Variants in MATN3 observed in about 807,000 individuals in gnomAD.
MATN3 encodes matrilin 3, also known as matrilin-3.
MATN3 carries 48 observed loss-of-function variants against 45.3 expected under a neutral mutation model. The observed-to-expected ratio is 1.06, with a 90% CI of 0.84 to 1.35. The LOEUF (loss-of-function observed/expected upper bound fraction) is 1.35, where lower values mean the gene tolerates loss of function less well. MATN3 is among the 40% of genes most tolerant of loss of function. MATN3 has a pLI of 0.00. For synonymous variants in MATN3, 217 were observed against 245.9 expected, an observed-to-expected ratio of 0.88 and a Z score of 1.10; for missense variants, 599 against 628.0, an observed-to-expected ratio of 0.95 and a Z score of 0.49.
intron 6 of MATN3, among the ~76,000 whole-genome samples, chr2:19,996,705 C>T (rs1442013925): frequency 6.6e-5 from 10 of 151,984 alleles, no homozygotes; most frequent in Non-Finnish European, 1.3e-4. Context: ...CTGAGGGGAG[C>T]GGGTGATGGG....
chr2:19,999,726 A>G (rs575533975), intron 5 of MATN3, among the ~76,000 whole-genome samples: 3 of 152,180 alleles, frequency 2.0e-5, no homozygotes, highest in African/African-American at 7.2e-5. Flanking sequence ...AGAGGAAAAT[A>G]TATGTCAAAT....
At chr2:20,001,148 CA>C (rs1672978013) in intron 4 of MATN3, among the ~76,000 whole-genome samples, 1 of 152,090 alleles carries the variant, frequency 6.6e-6, no homozygotes, top group African/African-American at 2.4e-5. Context: ...AAAAACAGTG[CA>C]AAAAATTCCT....
intron 2 of MATN3, 67 bp downstream of exon 2, chr2:20,005,677 T>C: frequency 1.6e-6 from 2 of 1,273,042 alleles, no homozygotes; most frequent in Non-Finnish European, 2.1e-6. Flanking sequence ...TAATACTCTT[T>C]TCTCTGGGTA....
chr2:20,006,999 A>C (rs1160991817), intron 1 of MATN3, among the ~76,000 whole-genome samples: 1 of 152,012 alleles, frequency 6.6e-6, no homozygotes, highest in Non-Finnish European at 1.5e-5. Context: ...GGGCAAATCA[A>C]GAGGTCAGGA....
chr2:19,999,743 C>T (rs1672949206), intron 5 of MATN3, among the ~76,000 whole-genome samples: 1 of 150,356 alleles, frequency 6.7e-6, no homozygotes, highest in Admixed American at 6.6e-5. Flanking sequence ...AAATCTAAAA[C>T]ACATTCAATA....
Position 20,012,449 on chromosome 2 carries a change from G to C in MATN3, c.183C>G (p.Pro61=). ...RPSPAAPDGA[P]ASGTSEPGRA... ...GGCCAGGCTCGCTGGTCCCGGAAGC[G>C]GGCGCGCCGTCGGGAGCCGCAGGAG... Residue 61 remains proline, a synonymous_variant, in exon 1 of 8, where the codon CCC becomes CCG. Coordinates refer to ENST00000407540, the MANE Select transcript of MATN3 (RefSeq NM_002381.5). The surrounding 1 kb of genome is among the most constrained non-coding windows in gnomAD (Gnocchi z 4.3). 5 of 1,229,406 alleles carry C rather than the reference G, an allele frequency of 4.1e-6. No individual in the cohort carries two copies. In the South Asian group the frequency reaches 2.1e-4, roughly 51 times the overall value. The allele number at this position is 1,229,406 out of a possible 1,614,324, so 76.2% of individuals were successfully genotyped here. A position where few individuals can be genotyped will look rare whatever the true frequency, so the allele number is the denominator to read the frequency against.
In MATN3 at chr2:20,003,061, T is replaced by C. The variant is rs541744302; in HGVS notation, c.916+100A>G. The C allele has an allele frequency of 4.2e-4, 595 of 1,418,712 alleles. 3 individuals carry two copies. In the South Asian group the frequency reaches 7.7e-3, roughly 18 times the overall value. 87.9% of individuals were successfully genotyped at this position (1,418,712 alleles called of 1,614,324 possible). On this transcript the variant is annotated intron_variant, in intron 3 of 7. Transcript: ENST00000407540. The stretch of plus-strand genomic sequence containing the variant: ...GTAAACCAGCCAAAAGGCAGTTAGG[T>C]AAAAAGGGGTCAGAGAGTCAAAGCA...
intron 1 of MATN3, among the ~76,000 whole-genome samples, chr2:20,011,215 C>T (rs1409024796): frequency 6.6e-6 from 1 of 152,220 alleles, no homozygotes; most frequent in Non-Finnish European, 1.5e-5. Flanking sequence ...GGGGACATGG[C>T]CACCTGGTGC....
At chr2:20,003,105 T>C in intron 3 of MATN3, 56 bp downstream of exon 3, 1 of 1,601,814 alleles carries the variant, frequency 6.2e-7, no homozygotes, top group Non-Finnish European at 8.5e-7. Flanking sequence ...GTCCAAAACC[T>C]GGAGCATAGG....
rs1673019041 is a variant in MATN3, at chr2:20,003,074, G to C, written c.916+87C>G. On this transcript the variant is annotated intron_variant, in intron 3 of 7. Transcript: ENST00000407540. ...AAGGCAGTTAGGTAAAAAGGGGTCA[G>C]AGAGTCAAAGCACAAGGCCAGTCCA... 6.6e-6 allele frequency: 10 copies of C among 1,509,596 alleles called. 1 individual carries two copies. The highest frequency in any genetic ancestry group is 9.1e-6 in the Non-Finnish European group (10 of 1,104,006). 93.5% of individuals were successfully genotyped at this position (1,509,596 alleles called of 1,614,324 possible). A position where few individuals can be genotyped will look rare whatever the true frequency, so the allele number is the denominator to read the frequency against.
rs779413744 is a variant in MATN3 at position 20,006,016 on chromosome 2, G to T, written c.518C>A (p.Ala173Asp). Residue 173 changes from alanine (A) to aspartate (D), a missense_variant, in exon 2 of 8, where the codon GCC (alanine) becomes GAC (aspartate). Ala to Asp is a moderately radical substitution (Grantham distance 126). Coordinates refer to ENST00000407540, the MANE Select transcript of MATN3 (RefSeq NM_002381.5). ...GLAIQTAMDE[A>D]FTVEAGAREP... ...TCGAGCCCCTGCCTCCACTGTGAAG[G>T]CTTCGTCCATTGCTGTCTGGATGGC... The T allele has an allele frequency of 6.2e-7, 1 of 1,614,016 alleles. No individual in the cohort carries two copies. Among genetic ancestry groups the T allele is most frequent in the Non-Finnish European group, 8.5e-7 (1 of 1,179,898 alleles).
At position 20,012,512 on chromosome 2, in the gene MATN3, C is replaced by G. The variant is rs1362388449; in HGVS notation, c.120G>C (p.Glu40Asp). The G allele has an allele frequency of 8.1e-7, 1 of 1,228,340 alleles. No homozygotes were observed. Among genetic ancestry groups the G allele is most frequent in the Admixed American group, 4.2e-5 (1 of 23,538 alleles). The allele number at this position is 1,228,340 out of a possible 1,614,324, so 76.1% of individuals were successfully genotyped here. A position where few individuals can be genotyped will look rare whatever the true frequency, so the allele number is the denominator to read the frequency against. The change falls in exon 1 of 8, where the codon GAG becomes GAC. Residue 40 changes from glutamate to aspartate, a missense_variant. Glu to Asp is a conservative substitution (Grantham distance 45). Transcript: ENST00000407540. This position sits in a 1 kb window ranked among gnomAD's most constrained non-coding sequence, Gnocchi z 4.3. ...PVARPGFRRL[E>D]TRGPGGSPGR... ...CAGGGCTGCCCCCGGGACCTCGGGT[C>G]TCCAGCCTCCGGAAGCCCGGGCGGG...
intron 4 of MATN3, among the ~76,000 whole-genome samples, chr2:20,001,662 G>T (rs969935253): frequency 6.6e-6 from 1 of 152,160 alleles, no homozygotes; most frequent in African/African-American, 2.4e-5. Context: ...TAAGCAACAG[G>T]TAACTTGTGG....
Position 19,997,248 on chromosome 2 carries a change from A to G in MATN3, c.1180T>C (p.Cys394Arg). The G allele has an allele frequency of 3.1e-6, 5 of 1,612,422 alleles. No homozygotes were observed. The highest frequency in any genetic ancestry group is 2.2e-5 in the East Asian group (1 of 44,868). Residue 394 changes from cysteine to arginine, a missense_variant, in exon 6 of 8, where the codon TGT becomes CGT. Cys to Arg is a radical substitution (Grantham distance 180, BLOSUM62 -3). Coordinates refer to ENST00000407540, the MANE Select transcript of MATN3 (RefSeq NM_002381.5). The part of the protein sequence containing the change: ...DKKTCSVRDK[C>R]ALGSHGCQHI... ...TGGCAACCATGAGAGCCTAGGGCAC[A>G]CTTGTCACGGACTGACCGCACGTGG...
At position 20,002,161 on chromosome 2, in the gene MATN3, T is replaced by TAC. The variant is rs35083474; in HGVS notation, c.917-83_917-82dup. 18,257 of 644,474 alleles carry TAC rather than the reference T, an allele frequency of 0.028. 348 individuals carry two copies. The highest frequency in any genetic ancestry group is 0.12 in the African/African-American group (5,621 of 46,860). The allele number at this position is 644,474 out of a possible 1,614,324, so 39.9% of individuals were successfully genotyped here. A position where few individuals can be genotyped will look rare whatever the true frequency, so the allele number is the denominator to read the frequency against. On this transcript the variant is annotated intron_variant, in intron 3 of 7. Transcript: ENST00000407540. ...TTGTGGGCCACGCCACTTACAGTTA[T>TAC]ACACACACACACACACACACACACA...
chr2:20,005,733 G>A lies in MATN3; in HGVS notation c.790+11C>T, dbSNP rs1673087252. On this transcript the variant is annotated intron_variant, in intron 2 of 7. Coordinates refer to ENST00000407540, the MANE Select transcript of MATN3 (RefSeq NM_002381.5). ...TCCTTTCTAGTTGGAAGCAAAGACT[G>A]ACCAACTTACCACAGAAGGTTTCCT... The A allele has an allele frequency of 3.2e-6, 5 of 1,574,662 alleles. No individual in the cohort carries two copies. In the South Asian group the frequency reaches 5.8e-5, roughly 18 times the overall value.
Position 20,012,108 on chromosome 2 carries a change from G to C in MATN3, c.223+301C>G, listed in dbSNP as rs977429565. 6.6e-6 allele frequency among the ~76,000 whole-genome samples: 1 copy of C among 152,184 alleles called. No individual in the cohort carries two copies. Among genetic ancestry groups the C allele is most frequent in the Admixed American group, 6.5e-5 (1 of 15,290 alleles). On this transcript the variant is annotated intron_variant, in intron 1 of 7. Transcript: ENST00000407540. This position sits in a 1 kb window ranked among gnomAD's most constrained non-coding sequence, Gnocchi z 4.3. ...TGAATGGAGAGGTCAGGACTGGGAC[G>C]GAGCTTAGCAGCAGCCGCTGGGCAG...
chr2:20,009,952 T>C (rs1003493396), intron 1 of MATN3, among the ~76,000 whole-genome samples: 3 of 150,514 alleles, frequency 2.0e-5, no homozygotes, highest in Non-Finnish European at 4.4e-5. Context: ...CCTTAAATTG[T>C]ATAAAAACAA....
In MATN3 at chr2:20,006,281, C is replaced by A; in HGVS notation, c.253G>T (p.Val85Leu). 2.5e-6 allele frequency: 4 copies of A among 1,589,392 alleles called. No homozygotes were observed. Among genetic ancestry groups the A allele is most frequent in the Non-Finnish European group, 3.4e-6 (4 of 1,169,320 alleles). ...CTACGAGAACTATCAATGATAAACACCAGGTCCAAGGGTCTGCTCTTGCAA... is the reference window on the plus strand; with the variant it reads ...CTACGAGAACTATCAATGATAAACAACAGGTCCAAGGGTCTGCTCTTGCAA... The part of the protein sequence containing the change: ...GVCKSRPLDL[V>L]FIIDSSRSVR... The change falls in exon 2 of 8, where the codon GTG (valine) becomes TTG (leucine). Residue 85 changes from valine (V) to leucine (L), a missense_variant. Coordinates refer to ENST00000407540, the MANE Select transcript of MATN3 (RefSeq NM_002381.5).
Sources: allele counts gnomAD v4.1 joint callset (sites outside exome capture counted in the v4.1 genomes callset), GRCh38; gene constraint gnomAD v4.1.1; non-coding constraint Gnocchi (gnomAD v3.1); transcripts MANE v1.5; gene names NCBI Gene and HGNC (gene_info 2026-07-23, HGNC 2026-07-21).